The following ACLY variants were observed in gnomAD, a reference collection of about 807,000 sequenced individuals.
The protein encoded by ACLY is ATP citrate lyase, also known as ATP-citrate synthase.
In ACLY, 41 loss-of-function variants were observed where a neutral mutation model predicts 133.0. The ratio of observed to expected loss-of-function variants is 0.31; its 90% CI spans 0.24 to 0.40. ACLY has a LOEUF of 0.40. Ranked by LOEUF, ACLY falls within the 10% of genes least tolerant of loss-of-function variation. The probability of loss-of-function intolerance (pLI) is 1.00; values close to 1 mark genes in which losing one functional copy is unlikely to be tolerated. For missense variants in ACLY, 1,046 were observed against 1,453.8 expected, an observed-to-expected ratio of 0.72 and a Z score of 4.56; for synonymous variants, 495 against 549.3, an observed-to-expected ratio of 0.90 and a Z score of 1.38.
Position 41,891,275 on chromosome 17 carries a change from C to T in ACLY, c.1770+1004G>A, listed in dbSNP as rs1230865923. On this transcript the variant is annotated intron_variant, in intron 16 of 28. Coordinates refer to ENST00000352035, the MANE Select transcript of ACLY (RefSeq NM_001096.3). ...AACCCCTAGCCTCAAACAATACCCC[C>T]GCCTCTGCCGCCCAACAAACACAAG... 3.3e-5 allele frequency among the ~76,000 whole-genome samples: 5 copies of T among 152,078 alleles called. No homozygotes were observed. In the South Asian group the frequency reaches 6.2e-4, roughly 19 times the overall value.
At position 41,871,777 on chromosome 17, in the gene ACLY, A is replaced by G; in HGVS notation, c.2849T>C (p.Phe950Ser). ...CTCCATGGGGATAATGCCACTGTCA[A>G]AGGCTTTACTGAACATCTTGGCTGC... ...DAAAKMFSKA[F>S]DSGIIPMEFV... The change falls in exon 25 of 29, where the codon TTT (phenylalanine) becomes TCT (serine). Residue 950 changes from phenylalanine to serine, a missense_variant. Coordinates refer to ENST00000352035, the MANE Select transcript of ACLY (RefSeq NM_001096.3). 6.2e-7 allele frequency: 1 copy of G among 1,614,104 alleles called. No individual in the cohort carries two copies. The highest frequency in any genetic ancestry group is 8.5e-7 in the Non-Finnish European group (1 of 1,179,994).
At position 41,907,463 on chromosome 17, in the gene ACLY, G is replaced by A. The variant is rs782400219; in HGVS notation, c.726C>T (p.Phe242=). 36 of 1,589,830 alleles carry A rather than the reference G, an allele frequency of 2.3e-5. No homozygotes were observed. Among genetic ancestry groups the A allele is most frequent in the South Asian group, 6.6e-5 (6 of 90,448 alleles). The change falls in exon 7 of 29, where the codon TTC becomes TTT. Residue 242 remains phenylalanine (F), a synonymous_variant. Transcript: ENST00000352035. ...KWGDIEFPPP[F]GREAYPEEAY... ...TTACCTCTGGATATGCCTCCCGCCC[G>A]AAGGGGGGAGGGAACTCGATGTCAC...
intron 11 of ACLY, among the ~76,000 whole-genome samples, chr17:41,900,724 C>G (rs992631026): frequency 6.6e-6 from 1 of 151,834 alleles, no homozygotes; most frequent in East Asian, 1.9e-4. Flanking sequence ...GGCACTGTCT[C>G]AAAAAATAAT....
chr17:41,914,177 A>T (rs2049986109), intron 1 of ACLY, among the ~76,000 whole-genome samples: 1 of 152,194 alleles, frequency 6.6e-6, no homozygotes, highest in Non-Finnish European at 1.5e-5. Flanking sequence ...ACCCTGCCCC[A>T]TTCCCTCTAG....
chr17:41,926,151 G>A (rs1567922489), intron 1 of ACLY, among the ~76,000 whole-genome samples: 2 of 151,924 alleles, frequency 1.3e-5, no homozygotes, highest in Non-Finnish European at 2.9e-5. Context: ...GGCCAGACAT[G>A]TATGTTTATT....
rs781793050 is a variant in ACLY, at chr17:41,869,113, T to C, written c.3064A>G (p.Ile1022Val). The stretch of plus-strand genomic sequence containing the variant: ...CCGATGAGACCATCTACATTCAGGA[T>C]AAGATTTGGCTTCTGGGAAGGCAAA... ...KITTSKKPNL[I>V]LNVDGLIGVA... The change falls in exon 27 of 29, where the codon ATC (isoleucine) becomes GTC (valine). Residue 1022 changes from isoleucine to valine, a missense_variant. By Grantham distance (29) the Ile-to-Val change is conservative (BLOSUM62 3). Around this residue, in one of 4 missense-constraint regions of ACLY, gnomAD observed 205 missense variants for 373.3 expected, o/e 0.55. Transcript: ENST00000352035. 3 of 1,613,234 alleles carry C rather than the reference T, an allele frequency of 1.9e-6. No homozygotes were observed. Among genetic ancestry groups the C allele is most frequent in the Non-Finnish European group, 2.5e-6 (3 of 1,179,798 alleles).
At position 41,918,798 on chromosome 17, in the gene ACLY, G is replaced by T. The variant is rs573757479; in HGVS notation, c.-24+82C>A. On this transcript the variant is annotated intron_variant, in intron 1 of 28. Coordinates refer to ENST00000352035, the MANE Select transcript of ACLY (RefSeq NM_001096.3). ...GGGCACCGAGCCCGCGTCGGGGAAG[G>T]CGGTTCCGGGTTGGGGGACGGAGGC... 3.8e-4 allele frequency: 479 copies of T among 1,260,316 alleles called. 3 individuals are homozygous for T. In the African/African-American group the frequency reaches 6.7e-3, roughly 18 times the overall value. 78.1% of individuals were successfully genotyped at this position (1,260,316 alleles called of 1,614,324 possible). A position where few individuals can be genotyped will look rare whatever the true frequency, so the allele number is the denominator to read the frequency against.
intron 20 of ACLY, 141 bp from the exon 21 acceptor site, chr17:41,879,065 T>C (rs782552687): frequency 5.6e-6 from 6 of 1,063,014 alleles, no homozygotes; most frequent in Non-Finnish European, 6.8e-6. Context: ...AATAGATGAT[T>C]TCCATTTTAC....
intron 22 of ACLY, among the ~76,000 whole-genome samples, chr17:41,875,696 G>C (rs1229023327): frequency 6.6e-6 from 1 of 152,088 alleles, no homozygotes. Context: ...CGCCAGCCTC[G>C]GCCTCCTGAG....
Position 41,901,821 on chromosome 17 carries a change from C to T in ACLY, c.1066-8G>A, listed in dbSNP as rs782719940. The T allele has an allele frequency of 1.3e-6, 2 of 1,552,460 alleles. No individual in the cohort carries two copies. Among genetic ancestry groups the T allele is most frequent in the Middle Eastern group, 1.7e-4 (1 of 5,798 alleles). On this transcript the variant is annotated splice_region_variant and splice_polypyrimidine_tract_variant and intron_variant, in intron 10 of 28. Coordinates refer to ENST00000352035, the MANE Select transcript of ACLY (RefSeq NM_001096.3). The stretch of plus-strand genomic sequence containing the variant: ...AATTGCTCTCACGATGCCCTGGAAG[C>T]CCAAAGTGACATGTGACTAAAAACA...
rs1555629641 is a variant in ACLY, at chr17:41,893,039, G to C, written c.1595C>G (p.Pro532Arg). ...DEPSVAAMVY[P>R]FTGDHKQKFY... ...CCGCCATGGGGTAACTCACGTGAAA[G>C]GGTAGACCATGGCAGCCACTGAGGG... The change falls in exon 15 of 29, where the codon CCT becomes CGT. Residue 532 changes from proline to arginine, a missense_variant. This residue lies in a region of ACLY where 575 missense variants were observed against 804.2 expected (regional missense o/e 0.71). Coordinates refer to ENST00000352035, the MANE Select transcript of ACLY (RefSeq NM_001096.3). The C allele has an allele frequency of 6.2e-7, 1 of 1,613,472 alleles. No individual in the cohort carries two copies. Among genetic ancestry groups the C allele is most frequent in the East Asian group, 2.2e-5 (1 of 44,860 alleles).
At chr17:41,914,517 G>A (rs2049996783) in intron 1 of ACLY, among the ~76,000 whole-genome samples, 1 of 152,212 alleles carries the variant, frequency 6.6e-6, no homozygotes, top group Non-Finnish European at 1.5e-5. Flanking sequence ...AGGGGAGTAG[G>A]GGAGGGGGGA....
At chr17:41,902,494 G>A (rs574161991) in intron 10 of ACLY, among the ~76,000 whole-genome samples, 67 of 152,344 alleles carry the variant, frequency 4.4e-4, no homozygotes, top group African/African-American at 1.6e-3. Context: ...GATTACAAGC[G>A]TGAGCCACCG....
chr17:41,877,502 G>A (rs1271952807), intron 22 of ACLY, among the ~76,000 whole-genome samples: 1 of 150,400 alleles, frequency 6.6e-6, no homozygotes, highest in African/African-American at 2.5e-5. Context: ...CCAGGCTGGA[G>A]TGCAGTGGCA....
chr17:41,897,661 G>T, intron 13 of ACLY, 88 bp downstream of exon 13: 1 of 1,303,010 alleles, frequency 7.7e-7, no homozygotes, highest in Non-Finnish European at 1.1e-6. Context: ...GCCTCTGCCA[G>T]CCCAGGGGGG....
intron 23 of ACLY, 109 bp from the exon 24 acceptor site, chr17:41,872,291 C>A: frequency 9.9e-7 from 1 of 1,010,158 alleles, no homozygotes; most frequent in Non-Finnish European, 1.5e-6. Context: ...ACTACCAATC[C>A]AAGTCTAATA....
chr17:41,879,494 T>G (rs1413020552), intron 20 of ACLY, among the ~76,000 whole-genome samples: 3 of 142,166 alleles, frequency 2.1e-5, no homozygotes, highest in Non-Finnish European at 3.0e-5. Flanking sequence ...CACGGTTCAC[T>G]GGCACCTTGG....
chr17:41,911,965 T>C (rs1283263179), intron 3 of ACLY, among the ~76,000 whole-genome samples: 1 of 151,960 alleles, frequency 6.6e-6, no homozygotes, highest in Non-Finnish European at 1.5e-5. Context: ...AAATACAAAA[T>C]TAGCCAAGTA....
In ACLY at chr17:41,912,555, C is replaced by A. The variant is rs1233962220; in HGVS notation, c.160-13G>T. On this transcript the variant is annotated splice_polypyrimidine_tract_variant and intron_variant, in intron 2 of 28. Coordinates refer to ENST00000352035, the MANE Select transcript of ACLY (RefSeq NM_001096.3). ...TGACTACCAAGTTCTGGAACAAAAG[C>A]GGTTTGTATTTAGAGTGAGGAAGAA... The A allele has an allele frequency of 6.2e-7, 1 of 1,613,784 alleles. No individual in the cohort carries two copies. Among genetic ancestry groups the A allele is most frequent in the African/African-American group, 1.3e-5 (1 of 74,888 alleles).
Sources: allele counts gnomAD v4.1 joint callset (sites outside exome capture counted in the v4.1 genomes callset), GRCh38; gene constraint gnomAD v4.1.1; regional missense constraint gnomAD v4.1.1; transcripts MANE v1.5; gene names NCBI Gene and HGNC (gene_info 2026-07-23, HGNC 2026-07-21).